The following ITSN2 variants were observed in gnomAD, a reference collection of about 807,000 sequenced individuals.
ITSN2 encodes the protein intersectin-2.
ITSN2 carries 156 observed loss-of-function variants against 243.7 expected under a neutral mutation model. The ratio of observed to expected loss-of-function variants is 0.64; its 90% CI spans 0.56 to 0.73. ITSN2 has a LOEUF of 0.73. Among genes scored for constraint, ITSN2 ranks in the 30% least tolerant of loss-of-function variants. The pLI, the probability that ITSN2 is intolerant of heterozygous loss-of-function variation, is 0.00. For missense variants in ITSN2, 1,801 were observed against 1,996.1 expected (o/e 0.90, Z 1.86); for synonymous variants, 703 against 699.9 (o/e 1.00, Z -0.07).
chr2:24,262,974 C>A (rs1436288883), intron 20 of ITSN2, among the ~76,000 whole-genome samples: 2 of 152,040 alleles, frequency 1.3e-5, no homozygotes, highest in Non-Finnish European at 2.9e-5. Flanking sequence ...GTCAACCCAC[C>A]CTCACTGCCC....
At position 24,203,499 on chromosome 2, in the gene ITSN2, C is replaced by A. The variant is rs1668523776; in HGVS notation, c.*127G>T. ...TATTTAGTGTGCAGGAAAACAGAGC[C>A]CCCAGCGTGCATGGCTTTGTGAGGG... On this transcript the variant is annotated 3_prime_UTR_variant, in exon 40 of 40. Coordinates refer to ENST00000355123, the MANE Select transcript of ITSN2 (RefSeq NM_006277.3). 2 of 903,162 alleles carry A rather than the reference C, an allele frequency of 2.2e-6. No individual in the cohort carries two copies. The highest frequency in any genetic ancestry group is 5.3e-5 in the East Asian group (2 of 37,704). The allele number at this position is 903,162 out of a possible 1,614,324, so 55.9% of individuals were successfully genotyped here.
At chr2:24,337,889 A>G (rs1004861596) in intron 1 of ITSN2, among the ~76,000 whole-genome samples, 3 of 152,156 alleles carry the variant, frequency 2.0e-5, no homozygotes, top group African/African-American at 7.2e-5. Context: ...CTTGCTGATC[A>G]GTTGAGAAAA....
chr2:24,298,625 A>G (rs753201043), intron 13 of ITSN2, 40 bp downstream of exon 13: 32 of 1,575,220 alleles, frequency 2.0e-5, no homozygotes, highest in Admixed American at 5.6e-5. Flanking sequence ...AGGTAGCTCC[A>G]TCATCATTCA....
At chr2:24,272,175 C>A (rs1364959426) in intron 18 of ITSN2, among the ~76,000 whole-genome samples, 3 of 152,108 alleles carry the variant, frequency 2.0e-5, no homozygotes, top group Admixed American at 2.0e-4. Flanking sequence ...GTATGACTGA[C>A]AATTTCCCAC....
chr2:24,250,098 G>A (rs189793649), intron 25 of ITSN2, among the ~76,000 whole-genome samples: 1 of 152,242 alleles, frequency 6.6e-6, no homozygotes, highest in East Asian at 1.9e-4. Flanking sequence ...TAATCTTCAA[G>A]TCCATACCTT....
At chr2:24,209,733 A>G (rs910807831) in intron 35 of ITSN2, 85 bp downstream of exon 35, 34 of 1,079,498 alleles carry the variant, frequency 3.1e-5, no homozygotes, top group Non-Finnish European at 4.5e-5. Flanking sequence ...CCGTAAGGCC[A>G]GCTCAGGGTC....
At chr2:24,305,576 CAAAAAA>C (rs537945691) in intron 8 of ITSN2, among the ~76,000 whole-genome samples, 14 of 40,902 alleles carry the variant, frequency 3.4e-4, no homozygotes, top group East Asian at 2.2e-3. Context: ...GACTCTGTCT[CAAAAAA>C]AAAAAAAAAA....
At position 24,204,039 on chromosome 2, in the gene ITSN2, T is replaced by A; in HGVS notation, c.4936+206A>T. On this transcript the variant is annotated intron_variant, in intron 39 of 39. Transcript: ENST00000355123. This position sits in a 1 kb window ranked among gnomAD's most constrained non-coding sequence, Gnocchi z 5.1. ...GTGTTCACGTCGTGTGTGTAGGGAG[T>A]GATGGGTCAAAGACCTGAAACACAT... 1.6e-6 allele frequency: 1 copy of A among 631,972 alleles called. No homozygotes were observed. Among genetic ancestry groups the A allele is most frequent in the Non-Finnish European group, 2.7e-6 (1 of 366,064 alleles). The allele number at this position is 631,972 out of a possible 1,614,324, so 39.1% of individuals were successfully genotyped here. A position where few individuals can be genotyped will look rare whatever the true frequency, so the allele number is the denominator to read the frequency against.
At chr2:24,231,306 G>A (rs1671566432) in intron 29 of ITSN2, among the ~76,000 whole-genome samples, 1 of 152,170 alleles carries the variant, frequency 6.6e-6, no homozygotes, top group Non-Finnish European at 1.5e-5. Context: ...CACATCCCCA[G>A]TGTCTGACAC....
chr2:24,220,420 A>C, intron 30 of ITSN2: 1 of 985,784 alleles, frequency 1.0e-6, no homozygotes, highest in Non-Finnish European at 1.2e-6. Context: ...TCACTGGTAT[A>C]AACAAACAGT....
At chr2:24,324,104 C>T (rs959820331) in intron 2 of ITSN2, among the ~76,000 whole-genome samples, 7 of 152,092 alleles carry the variant, frequency 4.6e-5, no homozygotes, top group South Asian at 4.1e-4. Context: ...TGGTGGTGAG[C>T]GCCTGTAGTC....
chr2:24,303,728 A>T, intron 9 of ITSN2, 71 bp downstream of exon 9: 1 of 968,988 alleles, frequency 1.0e-6, no homozygotes, highest in South Asian at 1.3e-5. Flanking sequence ...CTTTCTTGTA[A>T]TAGGGGAGAG....
intron 29 of ITSN2, among the ~76,000 whole-genome samples, chr2:24,235,746 C>G (rs1166022205): frequency 2.0e-5 from 3 of 152,144 alleles, no homozygotes; most frequent in South Asian, 2.1e-4. Context: ...AAATGGCCAA[C>G]AAGCACATGA....
intron 1 of ITSN2, among the ~76,000 whole-genome samples, chr2:24,358,788 A>C (rs1280884797): frequency 6.6e-6 from 1 of 152,142 alleles, no homozygotes; most frequent in Non-Finnish European, 1.5e-5. Flanking sequence ...TGCCTAACAC[A>C]CCTCCTCATA....
rs778199332 is a variant in ITSN2 at position 24,203,692 on chromosome 2, C to T, written c.5028G>A (p.Glu1676=). 4.3e-6 allele frequency: 7 copies of T among 1,614,080 alleles called. No individual in the cohort carries two copies. The highest frequency in any genetic ancestry group is 1.1e-5 in the South Asian group (1 of 91,088). ...GGACCCAGACCTCCCCGGTGGGGAC[C>T]TCATGCAGCAGCAGTCGGCGGGTCA... ...GPMTRRLLLH[E]VPTGEVWVRF... Residue 1676 remains glutamate (E), a synonymous_variant, in exon 40 of 40, where the codon GAG becomes GAA. Coordinates refer to ENST00000355123, the MANE Select transcript of ITSN2 (RefSeq NM_006277.3).
At position 24,251,605 on chromosome 2, in the gene ITSN2, G is replaced by GTA. The variant is rs1407536223; in HGVS notation, c.3120+738_3120+739dup. Among the ~76,000 whole-genome samples the GTA allele has an allele frequency of 1.4e-5, 2 of 138,072 alleles. 1 individual carries two copies. The highest frequency in any genetic ancestry group is 3.1e-5 in the Non-Finnish European group (2 of 64,680). The allele number at this position is 138,072 out of a possible 152,430, so 90.6% of individuals were successfully genotyped here. A position where few individuals can be genotyped will look rare whatever the true frequency, so the allele number is the denominator to read the frequency against. On this transcript the variant is annotated intron_variant, in intron 25 of 39. Transcript: ENST00000355123. ...TGTATATATATGTGTATATATATGT[G>GTA]TATATATATATACACACACACATAT...
intron 27 of ITSN2, 63 bp downstream of exon 27, chr2:24,248,563 ATCT>A: frequency 1.5e-6 from 2 of 1,366,848 alleles, no homozygotes; most frequent in Non-Finnish European, 2.0e-6. Flanking sequence ...TATTAATTTT[ATCT>A]TTTTTATGGA....
intron 11 of ITSN2, among the ~76,000 whole-genome samples, 183 bp from the exon 12 acceptor site, chr2:24,300,354 T>G (rs1681563144): frequency 6.6e-6 from 1 of 152,208 alleles, no homozygotes; most frequent in Non-Finnish European, 1.5e-5. Flanking sequence ...GGATATTCAA[T>G]TTTAGAAAAA....
chr2:24,237,127 A>G (rs1265457956), intron 29 of ITSN2, among the ~76,000 whole-genome samples: 1 of 152,142 alleles, frequency 6.6e-6, no homozygotes, highest in Non-Finnish European at 1.5e-5. Context: ...TCTACCGCTT[A>G]CTAGCAGGTT....
Sources: allele counts gnomAD v4.1 joint callset (sites outside exome capture counted in the v4.1 genomes callset), GRCh38; gene constraint gnomAD v4.1.1; non-coding constraint Gnocchi (gnomAD v3.1); transcripts MANE v1.5; gene names NCBI Gene and HGNC (gene_info 2026-07-23, HGNC 2026-07-21).